STK32A: variants seen among roughly 807,000 people sequenced by gnomAD.
STK32A encodes serine/threonine kinase 32A.
STK32A carries 41 observed loss-of-function variants against 53.2 expected under a neutral mutation model. The ratio of observed to expected loss-of-function variants is 0.77; its 90% confidence interval spans 0.60 to 1.00. The LOEUF (loss-of-function observed/expected upper bound fraction) is 1.00. Ranked by LOEUF, STK32A falls within the 50% of genes least tolerant of loss-of-function variation. The pLI, the probability that STK32A is intolerant of heterozygous loss-of-function variation, is 0.00. For missense variants in STK32A, 458 were observed against 485.8 expected, an observed-to-expected ratio of 0.94 and a Z score of 0.54; for synonymous variants, 166 against 162.8, an observed-to-expected ratio of 1.02 and a Z score of -0.15.
At chr5:147,254,742 G>C (rs1405508442) in intron 2 of STK32A, among the ~76,000 whole-genome samples, 1 of 152,190 alleles carries the variant, frequency 6.6e-6, no homozygotes, top group African/African-American at 2.4e-5. Flanking sequence ...AGTCAGGGCA[G>C]AGCAGATAGC....
the STK32A span, chr5:147,401,637 A>T: frequency 1.2e-6 from 2 of 1,614,150 alleles, no homozygotes; most frequent in Non-Finnish European, 1.7e-6. Flanking sequence ...TTCTTGCTCC[A>T]ATAATGGGTT....
chr5:147,284,981 AC>A (rs1752260980), intron 4 of STK32A, among the ~76,000 whole-genome samples: 1 of 151,938 alleles, frequency 6.6e-6, no homozygotes, highest in Non-Finnish European at 1.5e-5. Flanking sequence ...CCAAAAAAGA[AC>A]CTGCATAGCC....
chr5:147,266,594 G>A (rs546003324), intron 2 of STK32A, among the ~76,000 whole-genome samples: 11 of 151,982 alleles, frequency 7.2e-5, no homozygotes, highest in East Asian at 3.9e-4. Flanking sequence ...ACTATGATAC[G>A]TCCAAAATGT....
intron 8 of STK32A, among the ~76,000 whole-genome samples, chr5:147,367,938 C>T (rs1185461832): frequency 6.6e-6 from 1 of 152,204 alleles, no homozygotes; most frequent in African/African-American, 2.4e-5. Context: ...TTACAAGCAT[C>T]AATACAACTC....
At chr5:147,395,376 C>T in the STK32A span, among the ~76,000 whole-genome samples, 2 of 152,144 alleles carry the variant, frequency 1.3e-5, no homozygotes, top group African/African-American at 4.8e-5. Context: ...ACTTTCTTAC[C>T]AGGACCCCTT....
chr5:147,374,787 T>C (rs1266870421), intron 10 of STK32A, among the ~76,000 whole-genome samples: 1 of 152,140 alleles, frequency 6.6e-6, no homozygotes, highest in Non-Finnish European at 1.5e-5. Flanking sequence ...TGATTCTGAG[T>C]TACATGATTA....
At chr5:147,328,233 G>A (rs1363773478) in intron 5 of STK32A, among the ~76,000 whole-genome samples, 1 of 151,986 alleles carries the variant, frequency 6.6e-6, no homozygotes, top group Non-Finnish European at 1.5e-5. Flanking sequence ...TAACATAGAA[G>A]GGGGTCTTTT....
intron 2 of STK32A, among the ~76,000 whole-genome samples, chr5:147,273,562 C>A (rs56870167): frequency 0.046 from 6,975 of 152,266 alleles, 205 homozygotes; most frequent in Middle Eastern, 0.11. Context: ...TTGGTCTTAA[C>A]TTTCCATGTG....
At chr5:147,320,491 T>C (rs1188439667) in intron 4 of STK32A, among the ~76,000 whole-genome samples, 1 of 152,198 alleles carries the variant, frequency 6.6e-6, no homozygotes, top group Non-Finnish European at 1.5e-5. Flanking sequence ...TCAATCTGTG[T>C]TTCAGGCAGT....
chr5:147,272,249 G>C (rs1173363892), intron 2 of STK32A, among the ~76,000 whole-genome samples: 1 of 152,102 alleles, frequency 6.6e-6, no homozygotes, highest in African/African-American at 2.4e-5. Flanking sequence ...GCTAATTTTT[G>C]TATTTTTAGT....
At chr5:147,343,169 A>G in intron 6 of STK32A, 126 bp downstream of exon 6, 1 of 1,011,448 alleles carries the variant, frequency 9.9e-7, no homozygotes, top group Non-Finnish European at 1.6e-6. Flanking sequence ...CTACTTACAA[A>G]CTCCTCATAG....
At chr5:147,338,167 A>G (rs764496372) in intron 5 of STK32A, among the ~76,000 whole-genome samples, 1 of 152,190 alleles carries the variant, frequency 6.6e-6, no homozygotes, top group Admixed American at 6.5e-5. Context: ...TCCATTTGTC[A>G]TAGGAAGAAT....
chr5:147,314,433 G>A (rs1753857580), intron 4 of STK32A, among the ~76,000 whole-genome samples: 1 of 145,692 alleles, frequency 6.9e-6, no homozygotes, highest in African/African-American at 2.6e-5. Context: ...GGGAGGTAGA[G>A]GTTGCAGGGC....
At chr5:147,277,930 C>T (rs1360339718) in intron 2 of STK32A, among the ~76,000 whole-genome samples, 194 bp from the exon 3 acceptor site, 1 of 152,058 alleles carries the variant, frequency 6.6e-6, no homozygotes, top group African/African-American at 2.4e-5. Flanking sequence ...TACTGTATTC[C>T]CAGCACTAAG....
At chr5:147,322,206 G>GT (rs1754356817) in intron 4 of STK32A, among the ~76,000 whole-genome samples, 1 of 152,176 alleles carries the variant, frequency 6.6e-6, no homozygotes, top group South Asian at 2.1e-4. Flanking sequence ...ATGAAGAATA[G>GT]TATCTCCCAA....
chr5:147,360,450 CAAAAAAAAAAAA>C (rs56690647), intron 7 of STK32A, among the ~76,000 whole-genome samples: 1 of 81,204 alleles, frequency 1.2e-5, no homozygotes, highest in Non-Finnish European at 2.5e-5. Context: ...GATTCTGTCT[CAAAAAAAAAAAA>C]AAAAAGAAAA....
chr5:147,309,097 G>A (rs1429577006), intron 4 of STK32A, among the ~76,000 whole-genome samples: 5 of 151,706 alleles, frequency 3.3e-5, no homozygotes, highest in Admixed American at 1.3e-4. Flanking sequence ...AGTAAAGAGC[G>A]GGGATGATTG....
chr5:147,258,369 T>C (rs2151945315), intron 2 of STK32A, among the ~76,000 whole-genome samples: 1 of 152,230 alleles, frequency 6.6e-6, no homozygotes, highest in South Asian at 2.1e-4. Context: ...TTAATGTAGG[T>C]AAAAATCCAC....
chr5:147,355,786 G>GTATATATATATATATA (rs1421118282), intron 7 of STK32A, among the ~76,000 whole-genome samples: 19 of 128,350 alleles, frequency 1.5e-4, no homozygotes, highest in African/African-American at 6.7e-4. Flanking sequence ...GTGTGAGTGT[G>GTATATATATATATATA]TGTGTGTATA....
Sources: allele counts gnomAD v4.1 joint callset (sites outside exome capture counted in the v4.1 genomes callset), GRCh38; gene constraint gnomAD v4.1.1; transcripts MANE v1.5; gene names NCBI Gene and HGNC (gene_info 2026-07-23, HGNC 2026-07-21).